Variants in A2ML1 observed in about 807,000 individuals in gnomAD.
A2ML1 encodes alpha-2-macroglobulin like 1.
A2ML1 carries 161 observed loss-of-function variants against 181.9 expected under a neutral mutation model. That is an observed-to-expected ratio of 0.89 (90% CI 0.78 to 1.01). A2ML1 has a LOEUF of 1.01. Ranked by LOEUF, A2ML1 falls within the 50% of genes least tolerant of loss-of-function variation. The pLI is 0.00. For missense variants in A2ML1, 1,670 were observed against 1,768.1 expected (o/e 0.94, Z 1.00); for synonymous variants, 663 against 666.8 (o/e 0.99, Z 0.09).
chr12:8,824,241 T>G lies in A2ML1; in HGVS notation c.409+359T>G, dbSNP rs1019627858. Among the ~76,000 whole-genome samples the G allele has an allele frequency of 1.2e-3, 184 of 148,818 alleles. 2 individuals carry two copies. Among genetic ancestry groups the G allele is most frequent in the African/African-American group, 4.3e-3 (174 of 40,330 alleles). ...ACTGGGGTTTTTTTTTTTTTTTTTT[T>G]TTTTTTTTGTATTTGTTCATTCGTC... On this transcript the variant is annotated intron_variant, in intron 3 of 35. Coordinates refer to ENST00000299698, the MANE Select transcript of A2ML1 (RefSeq NM_144670.6).
chr12:8,853,643 T>C (rs1565482415), intron 20 of A2ML1, among the ~76,000 whole-genome samples: 1 of 152,222 alleles, frequency 6.6e-6, no homozygotes, highest in Non-Finnish European at 1.5e-5. Flanking sequence ...GACACAGTTC[T>C]TGACCTCAGC....
In A2ML1 at chr12:8,874,452, T is replaced by C; in HGVS notation, c.4249T>C (p.Phe1417Leu). The C allele has an allele frequency of 6.2e-7, 1 of 1,614,072 alleles. No individual in the cohort carries two copies. The change falls in exon 34 of 36, where the codon TTC becomes CTC. Residue 1417 changes from phenylalanine (F) to leucine (L), a missense_variant. Transcript: ENST00000299698. ...CATTAAGAACACTCAGACTTACACC[T>C]TCACCATCAGCCAAAGTGTGCTGGT... ...ELIKNTQTYT[F>L]TISQSVLVTN...
intron 28 of A2ML1, among the ~76,000 whole-genome samples, chr12:8,862,002 C>T (rs1444121015): frequency 4.6e-5 from 7 of 151,842 alleles, no homozygotes; most frequent in South Asian, 2.1e-4. Context: ...TCAGGTGATC[C>T]ACCTGCCTCG....
In A2ML1 at chr12:8,823,457, A is replaced by G. The variant is rs780493474; in HGVS notation, c.246+92A>G. 3.6e-5 allele frequency: 51 copies of G among 1,405,572 alleles called. No homozygotes were observed. In the South Asian group the frequency reaches 4.6e-4, roughly 13 times the overall value. 87.1% of individuals were successfully genotyped at this position (1,405,572 alleles called of 1,614,324 possible). ...ATCTACTTTAAGTATAATTTCTGTT[A>G]TCTTTTGCCACGGCCTCTAAACCTA... On this transcript the variant is annotated intron_variant, in intron 2 of 35. Transcript: ENST00000299698.
chr12:8,885,743 C>T lies in A2ML1; in HGVS notation c.*95-764C>T, dbSNP rs143595516. On this transcript the variant is annotated intron_variant and NMD_transcript_variant, in intron 7 of 7. Transcript: ENST00000537475. ...CCTCCCAAAGGGTTGACATTACAGG[C>T]GTGAGCCACTGCACCCAGCTAAAAG... 1.5e-3 allele frequency among the ~76,000 whole-genome samples: 222 copies of T among 152,286 alleles called. 2 individuals are homozygous for T. Among genetic ancestry groups the T allele is most frequent in the Middle Eastern group, 6.8e-3 (2 of 294 alleles).
At position 8,867,952 on chromosome 12, in the gene A2ML1, C is replaced by G. The variant is rs753201940; in HGVS notation, c.3828C>G (p.Phe1276Leu). ...VKSTENFQRT[F>L]NIQSVNRLVF... is the part of the protein sequence containing the mutation. ...CCACTGAGAATTTCCAGCGCACATT[C>G]AACATACAGTCAGTTAACAGATTGG... The change falls in exon 30 of 36, where the codon TTC becomes TTG. Residue 1276 changes from phenylalanine to leucine, a missense_variant. Physicochemically the swap from Phe to Leu is conservative, Grantham distance 22. Transcript: ENST00000299698. 6.2e-7 allele frequency: 1 copy of G among 1,614,236 alleles called. No homozygotes were observed. The highest frequency in any genetic ancestry group is 8.5e-7 in the Non-Finnish European group (1 of 1,180,054).
Position 8,868,422 on chromosome 12 carries a change from T to TTGTG in A2ML1, c.4061+77_4061+80dup, listed in dbSNP as rs150983014. 7 of 1,441,894 alleles carry TTGTG rather than the reference T, an allele frequency of 4.9e-6. No homozygotes were observed. The South Asian group carries it at 5.0e-5, about 10-fold the overall frequency. The allele number at this position is 1,441,894 out of a possible 1,614,324, so 89.3% of individuals were successfully genotyped here. A position where few individuals can be genotyped will look rare whatever the true frequency, so the allele number is the denominator to read the frequency against. On this transcript the variant is annotated intron_variant, in intron 31 of 35. Transcript: ENST00000299698. ...GGTCATAGGAGCTGAGCTGGGACAC[T>TTGTG]TGTGTGTGTGTGTGTCTGTGTATGT... is the stretch of plus-strand genomic sequence containing the variant.
chr12:8,857,886 T>C (rs1944123788), intron 25 of A2ML1, 60 bp from the exon 26 acceptor site: 1 of 1,585,856 alleles, frequency 6.3e-7, no homozygotes. Context: ...AATGAAGAAA[T>C]GATTGCACCC....
rs569093906 is a variant in A2ML1 at position 8,847,245 on chromosome 12, TA to T, written c.1684-285del. Among the ~76,000 whole-genome samples, 2,924 of 121,748 alleles carry T rather than the reference TA, an allele frequency of 0.024. 101 individuals are homozygous for T. Among genetic ancestry groups the T allele is most frequent in the African/African-American group, 0.081 (2,728 of 33,486 alleles). The allele number at this position is 121,748 out of a possible 152,430, so 79.9% of individuals were successfully genotyped here. A position where few individuals can be genotyped will look rare whatever the true frequency, so the allele number is the denominator to read the frequency against. The stretch of plus-strand genomic sequence containing the variant: ...ATTACAGGCATGACCCTGTCTCTAT[TA>T]AAAAAAAAAAAAAAAAAAGCCATAC... On this transcript the variant is annotated intron_variant, in intron 14 of 35. Coordinates refer to ENST00000299698, the MANE Select transcript of A2ML1 (RefSeq NM_144670.6).
chr12:8,861,630 G>A (rs1389186091), intron 28 of A2ML1, among the ~76,000 whole-genome samples: 1 of 151,926 alleles, frequency 6.6e-6, no homozygotes, highest in Non-Finnish European at 1.5e-5. Context: ...TGGGACTACA[G>A]GCGCCCACCA....
chr12:8,880,376 G>C (rs1042764944), downstream of A2ML1: 2 of 152,130 alleles, frequency 1.3e-5, no homozygotes, highest in Non-Finnish European at 2.9e-5. Context: ...AAAAAAAAGA[G>C]GTGGGGAGAA....
Position 8,849,706 on chromosome 12 carries a change from A to G in A2ML1, c.2066A>G (p.Lys689Arg). 1 of 1,614,234 alleles carries G rather than the reference A, an allele frequency of 6.2e-7. No individual in the cohort carries two copies. Among genetic ancestry groups the G allele is most frequent in the Non-Finnish European group, 8.5e-7 (1 of 1,180,034 alleles). ...GLKILSNAKI[K>R]KPVDCSHRSP... is the part of the protein sequence containing the mutation. ...AAAATACTGTCCAATGCCAAAATCA[A>G]GAAGCCAGTAGATTGCAGTCACAGA... is the stretch of plus-strand genomic sequence containing the variant. The change falls in exon 17 of 36, where the codon AAG becomes AGG. Residue 689 changes from lysine to arginine, a missense_variant. By Grantham distance (26) the Lys-to-Arg change is conservative. Transcript: ENST00000299698.
chr12:8,875,121 G>T, intron 35 of A2ML1, 109 bp downstream of exon 35: 2 of 1,222,396 alleles, frequency 1.6e-6, no homozygotes, highest in Non-Finnish European at 2.4e-6. Context: ...GAGTCTCGCG[G>T]TGTTGCCCAG....
intron 23 of A2ML1, among the ~76,000 whole-genome samples, chr12:8,856,728 G>A (rs780463573): frequency 6.6e-6 from 1 of 152,068 alleles, no homozygotes; most frequent in Admixed American, 6.6e-5. Context: ...GCCTCTCCGT[G>A]TCCCCTAGCA....
rs745715080 is a variant in A2ML1 at position 8,861,217 on chromosome 12, C to G, written c.3422C>G (p.Ala1141Gly). The G allele has an allele frequency of 1.9e-6, 3 of 1,614,148 alleles. No homozygotes were observed. The highest frequency in any genetic ancestry group is 8.5e-7 in the Non-Finnish European group (1 of 1,180,028). Reference sequence around the variant, plus strand: ...AACCTCTACACACAGGCCCTGTTGGCTTACATTTTCTCCCTGGCTGGGGAA... The same window carrying G: ...AACCTCTACACACAGGCCCTGTTGGGTTACATTTTCTCCCTGGCTGGGGAA... ...TTNLYTQALL[A>G]YIFSLAGEMD... Residue 1141 changes from alanine (A) to glycine (G), a missense_variant, in exon 28 of 36, where the codon GCT becomes GGT. Ala to Gly is a moderately conservative substitution (Grantham distance 60, BLOSUM62 0). Coordinates refer to ENST00000299698, the MANE Select transcript of A2ML1 (RefSeq NM_144670.6).
rs538485813 is a variant in A2ML1, at chr12:8,856,733, CT to C, written c.2849-430del. ...TAGCTTATGTGCCTCTCCGTGTCCC[CT>C]AGCACCTCGTACATATCCAGTATGA... On this transcript the variant is annotated intron_variant, in intron 23 of 35. Coordinates refer to ENST00000299698, the MANE Select transcript of A2ML1 (RefSeq NM_144670.6). Among the ~76,000 whole-genome samples the C allele has an allele frequency of 1.6e-3, 246 of 152,186 alleles. 1 individual carries two copies. Among genetic ancestry groups the C allele is most frequent in the Non-Finnish European group, 2.9e-3 (194 of 68,006 alleles).
intron 16 of A2ML1, 28 bp from the exon 17 acceptor site, chr12:8,849,641 T>G: frequency 6.3e-7 from 1 of 1,595,342 alleles, no homozygotes; most frequent in Non-Finnish European, 8.6e-7. Context: ...GGGACCACCT[T>G]AATACTTATT....
chr12:8,884,340 G>T (rs946944564), intron 7 of A2ML1, among the ~76,000 whole-genome samples: 6 of 150,152 alleles, frequency 4.0e-5, no homozygotes, highest in Non-Finnish European at 8.9e-5. Flanking sequence ...GTGTCGCGGG[G>T]GTTGGTTGTA....
chr12:8,835,269 A>G (rs1592110755), intron 5 of A2ML1, among the ~76,000 whole-genome samples: 1 of 152,340 alleles, frequency 6.6e-6, no homozygotes, highest in East Asian at 1.9e-4. Context: ...CAGTCTGATC[A>G]TTAAAATCCA....
Sources: gnomAD v4.1 joint callset for allele counts (sites outside exome capture counted in the v4.1 genomes callset) on GRCh38, gnomAD v4.1.1 for gene constraint, MANE v1.5 for transcripts, NCBI Gene and HGNC (gene_info 2026-07-23, HGNC 2026-07-21) for gene names.